CNTNAP4: variants seen among roughly 807,000 people sequenced by gnomAD.
The protein encoded by CNTNAP4 is contactin-associated protein-like 4.
A neutral mutation model predicts 148.4 loss-of-function variants in CNTNAP4; 98 were observed. The observed-to-expected ratio is 0.66, with a 90% CI of 0.56 to 0.78. The LOEUF (loss-of-function observed/expected upper bound fraction) is 0.78. CNTNAP4 is among the 30% of genes least tolerant of loss of function. CNTNAP4 has a pLI of 0.00. For synonymous variants in CNTNAP4, 730 were observed against 565.1 expected (o/e 1.29, Z -4.14); for missense variants, 1,935 against 1,565.6 (o/e 1.24, Z -3.98).
chr16:76,428,876 C>T (rs144268839), intron 4 of CNTNAP4, among the ~76,000 whole-genome samples: 15 of 152,106 alleles, frequency 9.9e-5, no homozygotes, highest in East Asian at 9.7e-4. Context: ...AAAATAGCCC[C>T]GATAAATATT....
At chr16:76,420,362 T>C (rs949801452) in intron 3 of CNTNAP4, among the ~76,000 whole-genome samples, 14 of 126,142 alleles carry the variant, frequency 1.1e-4, no homozygotes, top group Admixed American at 9.4e-4. Context: ...AAGAAAAAAA[T>C]GAATAGACAA....
chr16:76,387,176 G>C (rs561224246), intron 3 of CNTNAP4, among the ~76,000 whole-genome samples: 13 of 152,208 alleles, frequency 8.5e-5, no homozygotes, highest in Non-Finnish European at 1.8e-4. Flanking sequence ...TTGGCAATTT[G>C]GTACACTCCA....
chr16:76,465,503 C>T (rs900323104), intron 9 of CNTNAP4, among the ~76,000 whole-genome samples: 1 of 152,104 alleles, frequency 6.6e-6, no homozygotes, highest in Admixed American at 6.6e-5. Context: ...GCATATTGCA[C>T]AATTTATTTT....
At chr16:76,430,934 T>C (rs2079583703) in intron 4 of CNTNAP4, among the ~76,000 whole-genome samples, 1 of 152,214 alleles carries the variant, frequency 6.6e-6, no homozygotes, top group Admixed American at 6.5e-5. Flanking sequence ...TAACCATTTA[T>C]TGGTACTTGC....
chr16:76,278,528 G>A (rs1313491595), intron 1 of CNTNAP4, among the ~76,000 whole-genome samples: 2 of 152,186 alleles, frequency 1.3e-5, no homozygotes, highest in African/African-American at 2.4e-5. Context: ...TAATTTGGCA[G>A]ACTCCCTTCA....
Position 76,449,849 on chromosome 16 carries a change from C to T in CNTNAP4, c.1062C>T (p.Ile354=), listed in dbSNP as rs267604640. ...TGGCCAAGCAGCAAAAACCACAGATCATTGCTATGGTGAGAGTCTTTATGC... is the reference window on the plus strand; with the variant it reads ...TGGCCAAGCAGCAAAAACCACAGATTATTGCTATGGTGAGAGTCTTTATGC... ...IDLAKQQKPQ[I]IAMGNVSFSC... is the part of the protein sequence containing the mutation. Residue 354 remains isoleucine, a synonymous_variant, in exon 7 of 24, where the codon ATC becomes ATT. Coordinates refer to ENST00000611870, the MANE Select transcript of CNTNAP4 (RefSeq NM_033401.5). The T allele has an allele frequency of 6.2e-7, 1 of 1,607,442 alleles. No homozygotes were observed. Among genetic ancestry groups the T allele is most frequent in the Non-Finnish European group, 8.5e-7 (1 of 1,177,148 alleles).
chr16:76,359,092 T>A (rs1342260964), intron 3 of CNTNAP4, among the ~76,000 whole-genome samples: 1 of 152,238 alleles, frequency 6.6e-6, no homozygotes. Context: ...CAATTTGCAT[T>A]TTTTAAGCAG....
chr16:76,372,911 G>A (rs1006689450), intron 3 of CNTNAP4, among the ~76,000 whole-genome samples: 1 of 152,270 alleles, frequency 6.6e-6, no homozygotes, highest in South Asian at 2.1e-4. Context: ...ATTCCCAGAA[G>A]ATAGAAACTC....
At chr16:76,338,783 C>A (rs563573151) in intron 2 of CNTNAP4, among the ~76,000 whole-genome samples, 1 of 152,090 alleles carries the variant, frequency 6.6e-6, no homozygotes, top group African/African-American at 2.4e-5. Context: ...GACTTTACAA[C>A]CTTTTGGCTC....
At chr16:76,348,273 C>G (rs569756466) in intron 2 of CNTNAP4, among the ~76,000 whole-genome samples, 1 of 150,472 alleles carries the variant, frequency 6.6e-6, no homozygotes, top group Non-Finnish European at 1.5e-5. Context: ...GAGTAGGATT[C>G]AGAAGGAGAA....
chr16:76,525,872 A>G (rs1453196461), intron 17 of CNTNAP4, among the ~76,000 whole-genome samples: 1 of 148,600 alleles, frequency 6.7e-6, no homozygotes, highest in African/African-American at 2.4e-5. Flanking sequence ...TATATAAACT[A>G]TGTAACTATA....
At chr16:76,418,314 TTTTTTC>T (rs969844856) in intron 3 of CNTNAP4, among the ~76,000 whole-genome samples, 10 of 147,942 alleles carry the variant, frequency 6.8e-5, no homozygotes, top group African/African-American at 2.4e-4. Context: ...TATTACAGGT[TTTTTTC>T]TTTTTCTTTT....
chr16:76,294,185 C>A (rs1959184715), intron 1 of CNTNAP4, among the ~76,000 whole-genome samples: 1 of 152,096 alleles, frequency 6.6e-6, no homozygotes, highest in Non-Finnish European at 1.5e-5. Context: ...AAATGTGTCG[C>A]AATCCCTGCT....
At chr16:76,388,830 G>GT (rs1207262751) in intron 3 of CNTNAP4, among the ~76,000 whole-genome samples, 1 of 152,164 alleles carries the variant, frequency 6.6e-6, no homozygotes, top group East Asian at 1.9e-4. Context: ...AATTAAGGCA[G>GT]TACCTGACTC....
chr16:76,400,747 T>C (rs2078379906), intron 3 of CNTNAP4, among the ~76,000 whole-genome samples: 1 of 152,200 alleles, frequency 6.6e-6, no homozygotes, highest in Admixed American at 6.5e-5. Flanking sequence ...AGTTTCGGTT[T>C]TCTACTTATG....
intron 21 of CNTNAP4, among the ~76,000 whole-genome samples, chr16:76,551,598 G>A (rs1226704836): frequency 6.6e-6 from 1 of 152,056 alleles, no homozygotes; most frequent in Non-Finnish European, 1.5e-5. Context: ...GTAGGCCAGA[G>A]GTCCAGTAAT....
At chr16:76,538,895 A>G (rs983971680) in intron 19 of CNTNAP4, among the ~76,000 whole-genome samples, 2 of 151,964 alleles carry the variant, frequency 1.3e-5, no homozygotes, top group African/African-American at 4.8e-5. Context: ...ATTTACTGCT[A>G]TTTTTCTCTT....
chr16:76,433,580 A>G (rs1372116277), intron 4 of CNTNAP4, among the ~76,000 whole-genome samples: 8 of 152,156 alleles, frequency 5.3e-5, no homozygotes, highest in Admixed American at 5.2e-4. Context: ...AAAGTACTGT[A>G]AAAGCACAGA....
At chr16:76,333,329 A>G (rs918092678) in intron 2 of CNTNAP4, among the ~76,000 whole-genome samples, 2 of 152,174 alleles carry the variant, frequency 1.3e-5, no homozygotes, top group Non-Finnish European at 1.5e-5. Flanking sequence ...ATCTATCTCT[A>G]CATTCACTGA....
Sources: gnomAD v4.1 joint callset for allele counts (sites outside exome capture counted in the v4.1 genomes callset) on GRCh38, gnomAD v4.1.1 for gene constraint, MANE v1.5 for transcripts, NCBI Gene and HGNC (gene_info 2026-07-23, HGNC 2026-07-21) for gene names.